Variants in RAPGEF3 observed in about 807,000 individuals in gnomAD.
The protein encoded by RAPGEF3 is 9330170P05Rik.
Under a neutral mutation model 129.8 loss-of-function variants are expected in RAPGEF3, and 103 were observed. The observed-to-expected ratio is 0.79, with a 90% confidence interval of 0.68 to 0.93. The LOEUF (loss-of-function observed/expected upper bound fraction) is 0.93. RAPGEF3 is among the 40% of genes least tolerant of loss of function. The probability of loss-of-function intolerance (pLI) is 0.00; values close to 1 mark genes in which losing one functional copy is unlikely to be tolerated. For synonymous variants in RAPGEF3, 436 were observed against 482.6 expected (o/e 0.90, Z 1.26); for missense variants, 1,117 against 1,207.4 (o/e 0.93, Z 1.11).
chr12:47,746,793 CA>C (rs763164663), intron 16 of RAPGEF3, 66 bp downstream of exon 16: 30 of 1,482,878 alleles, frequency 2.0e-5, no homozygotes, highest in Non-Finnish European at 2.7e-5. Context: ...CCCTCAGGGT[CA>C]GGGGGCGAAG....
intron 16 of RAPGEF3, chr12:47,745,733 TG>T (rs927855192): frequency 6.6e-6 from 1 of 152,120 alleles, no homozygotes; most frequent in Non-Finnish European, 1.5e-5. Context: ...CATCACGGGT[TG>T]TTGAACTGCT....
rs781655896 is a variant in RAPGEF3, at chr12:47,751,868, C to T, written c.274-39G>A. 4 of 1,613,992 alleles carry T rather than the reference C, an allele frequency of 2.5e-6. 1 individual carries two copies. In the South Asian group the frequency reaches 3.3e-5, roughly 13 times the overall value. On this transcript the variant is annotated intron_variant, in intron 3 of 27. Coordinates refer to ENST00000449771, the MANE Select transcript of RAPGEF3 (RefSeq NM_001098531.4). ...AGGGCACAGCAGTTCAGGCTCTGAA[C>T]CCCTCATGGTGCTGCCTGTCCCAGC...
intron 2 of RAPGEF3, chr12:47,752,556 A>G (rs1314135834): frequency 6.3e-6 from 1 of 157,498 alleles, no homozygotes; most frequent in Non-Finnish European, 1.4e-5. Flanking sequence ...CACTGATGGC[A>G]GATGTGACCT....
chr12:47,756,249 G>A (rs1319588112), intron 2 of RAPGEF3: 1 of 152,230 alleles, frequency 6.6e-6, no homozygotes. Flanking sequence ...GGTCCCAGGA[G>A]ATCCTCCAGT....
intron 2 of RAPGEF3, among the ~76,000 whole-genome samples, chr12:47,755,519 T>C (rs957342880): frequency 6.6e-6 from 1 of 152,202 alleles, no homozygotes; most frequent in Admixed American, 6.5e-5. Flanking sequence ...CAGGTCACTC[T>C]GATCTTGCCC....
rs774951105 is a variant in RAPGEF3, at chr12:47,751,217, C to T, written c.503-1G>A. ...TCCTGGAAGGCCCAGTCGTGTTTCA[C>T]TGGGGGGCAGAGGCCCAGGCGTGGG... On this transcript the variant is annotated splice_acceptor_variant, in intron 5 of 27. Transcript: ENST00000449771. LOFTEE classifies it high-confidence loss of function. 1.3e-6 allele frequency: 2 copies of T among 1,549,702 alleles called. No individual in the cohort carries two copies. Among genetic ancestry groups the T allele is most frequent in the Non-Finnish European group, 1.7e-6 (2 of 1,146,096 alleles).
chr12:47,737,616 A>G lies in RAPGEF3; in HGVS notation c.2723T>C (p.Ile908Thr), dbSNP rs374334310. The change falls in exon 28 of 28, where the codon ATT becomes ACT. Residue 908 changes from isoleucine to threonine, a missense_variant. Around this residue, in one of 3 missense-constraint regions of RAPGEF3, gnomAD observed 643 missense variants for 673.4 expected, o/e 0.95. Coordinates refer to ENST00000449771, the MANE Select transcript of RAPGEF3 (RefSeq NM_001098531.4). ...GCGGGAGAGTTCCCGCTGGTTGTCA[A>G]TGACCTTCAGCTGCTGGACATAAGC... ...TWAYVQQLKVIDNQRELSRLS... is the reference protein window; with the variant it reads ...TWAYVQQLKVTDNQRELSRLS... The G allele has an allele frequency of 2.3e-4, 366 of 1,609,958 alleles. 1 individual carries two copies. The Admixed American group carries it at 4.5e-3, about 20-fold the overall frequency.
chr12:47,738,015 C>CACTT lies in RAPGEF3; in HGVS notation c.2653+3_2653+6dup, dbSNP rs1385815477. ...TCCCTGCCCACCCACCATCGCCCACCACTTACATGTGGAAATCCTCGCCAC... is the reference window on the plus strand; with the variant it reads ...TCCCTGCCCACCCACCATCGCCCACCACTTACTTACATGTGGAAATCCTCGCCAC... On this transcript the variant is annotated splice_region_variant and intron_variant, in intron 27 of 27. Transcript: ENST00000449771. 6.2e-7 allele frequency: 1 copy of CACTT among 1,613,692 alleles called. No individual in the cohort carries two copies. The highest frequency in any genetic ancestry group is 2.2e-5 in the East Asian group (1 of 44,858).
chr12:47,752,039 C>T lies in RAPGEF3; in HGVS notation c.220-70G>A, dbSNP rs1941784494. Reference sequence around the variant, plus strand: ...AGCCCAGCTCTTGGATACCTCCCCTCCCCCATCACTCCCACTCTTGCCTAG... The same window carrying T: ...AGCCCAGCTCTTGGATACCTCCCCTTCCCCATCACTCCCACTCTTGCCTAG... On this transcript the variant is annotated intron_variant, in intron 2 of 27. Transcript: ENST00000449771. 46 of 1,513,398 alleles carry T rather than the reference C, an allele frequency of 3.0e-5. No individual in the cohort carries two copies. In the South Asian group the frequency reaches 4.6e-4, roughly 15 times the overall value. The allele number at this position is 1,513,398 out of a possible 1,614,324, so 93.7% of individuals were successfully genotyped here. A position where few individuals can be genotyped will look rare whatever the true frequency, so the allele number is the denominator to read the frequency against.
At chr12:47,750,986 A>C in intron 6 of RAPGEF3, 62 bp downstream of exon 6, 1,761 of 1,542,652 alleles carry the variant, frequency 1.1e-3, no homozygotes, top group Non-Finnish European at 1.4e-3. Context: ...CAATCTGAGA[A>C]ACCGTGAAAT....
chr12:47,748,590 C>G, intron 11 of RAPGEF3, 48 bp from the exon 12 acceptor site: 1 of 1,465,236 alleles, frequency 6.8e-7, no homozygotes, highest in Non-Finnish European at 9.5e-7. Context: ...ACTCCCCACT[C>G]CCACACCTGG....
At chr12:47,746,995 C>T in intron 15 of RAPGEF3, 96 bp from the exon 16 acceptor site, 1 of 1,247,026 alleles carries the variant, frequency 8.0e-7, no homozygotes. Flanking sequence ...CGGCCCTCAC[C>T]AGTGGTTCAG....
rs201865687 is a variant in RAPGEF3 at position 47,743,557 on chromosome 12, C to T, written c.1798G>A (p.Val600Met). The T allele has an allele frequency of 2.8e-5, 46 of 1,614,154 alleles. No homozygotes were observed. The African/African-American group carries it at 6.1e-4, about 21-fold the overall frequency. ...CCTGCAGAATTGACCTTCACCAGCA[C>T]CTGCCCCTTGGTCCAGCCATCCTCC... ...AQEDGWTKGQ[V>M]LVKVNSAGDA... The change falls in exon 18 of 28, where the codon GTG (valine) becomes ATG (methionine). Residue 600 changes from valine (V) to methionine (M), a missense_variant. Coordinates refer to ENST00000449771, the MANE Select transcript of RAPGEF3 (RefSeq NM_001098531.4).
In RAPGEF3 at chr12:47,737,155, G is replaced by A. The variant is rs954451276; in HGVS notation, c.*412C>T. ...CAAGGCCCTGCCCTTGCCACACACG[G>A]TACACACATGCAGCCTCTCTCTCTC... On this transcript the variant is annotated 3_prime_UTR_variant, in exon 28 of 28. Transcript: ENST00000449771. 1.8e-5 allele frequency: 4 copies of A among 227,660 alleles called. No individual in the cohort carries two copies. Among genetic ancestry groups the A allele is most frequent in the Admixed American group, 1.1e-4 (2 of 18,354 alleles). The allele number at this position is 227,660 out of a possible 1,614,324, so 14.1% of individuals were successfully genotyped here. A position where few individuals can be genotyped will look rare whatever the true frequency, so the allele number is the denominator to read the frequency against.
intron 23 of RAPGEF3, chr12:47,739,766 G>T (rs1941031406): frequency 2.5e-6 from 1 of 394,738 alleles, no homozygotes; most frequent in Non-Finnish European, 4.7e-6. Flanking sequence ...GGGCAGACAG[G>T]CCCTGGTGCA....
In RAPGEF3 at chr12:47,743,527, C is replaced by T. The variant is rs1371618392; in HGVS notation, c.1825+3G>A. The T allele has an allele frequency of 1.2e-6, 2 of 1,612,666 alleles. No homozygotes were observed. The highest frequency in any genetic ancestry group is 1.7e-6 in the Non-Finnish European group (2 of 1,178,980). On this transcript the variant is annotated splice_donor_region_variant and intron_variant, in intron 18 of 27. Coordinates refer to ENST00000449771, the MANE Select transcript of RAPGEF3 (RefSeq NM_001098531.4). The stretch of plus-strand genomic sequence containing the variant: ...TTGGGGTCTATCCAGGGGCACAACT[C>T]ACCACCTGCAGAATTGACCTTCACC...
At position 47,740,655 on chromosome 12, in the gene RAPGEF3, T is replaced by C; in HGVS notation, c.2218A>G (p.Lys740Glu). 1 of 1,613,596 alleles carries C rather than the reference T, an allele frequency of 6.2e-7. No homozygotes were observed. Reference protein sequence around the residue: ...PRAQLLRKFIKLAAHLKEQKN... With the variant: ...PRAQLLRKFIELAAHLKEQKN... ...ACAGGGACTCACTGGGCCGCCAGCT[T>C]AATGAACTTCCTGAGCAGCTGGGCC... Residue 740 changes from lysine to glutamate, a missense_variant, in exon 21 of 28, where the codon AAG becomes GAG. Lys to Glu is a moderately conservative substitution (Grantham distance 56). Coordinates refer to ENST00000449771, the MANE Select transcript of RAPGEF3 (RefSeq NM_001098531.4).
chr12:47,737,645 G>A lies in RAPGEF3; in HGVS notation c.2694C>T (p.Thr898=), dbSNP rs1270858113. ...CCTTCAGCTGCTGGACATAAGCCCA[G>A]GTGCTGGCTGGACTCCGGGTGCTCA... ...QSLSTRSPAS[T]WAYVQQLKVI... Residue 898 remains threonine, a synonymous_variant, in exon 28 of 28, where the codon ACC becomes ACT. Transcript: ENST00000449771. The A allele has an allele frequency of 3.7e-6, 6 of 1,612,924 alleles. No homozygotes were observed. Among genetic ancestry groups the A allele is most frequent in the Non-Finnish European group, 5.1e-6 (6 of 1,179,808 alleles).
At chr12:47,751,636 G>A in intron 4 of RAPGEF3, 87 bp downstream of exon 4, 1 of 1,596,794 alleles carries the variant, frequency 6.3e-7, no homozygotes, top group South Asian at 1.1e-5. Flanking sequence ...TGTGCTAGAA[G>A]CAGGGTGAGG....
Sources: allele counts gnomAD v4.1 joint callset (sites outside exome capture counted in the v4.1 genomes callset), GRCh38; gene constraint gnomAD v4.1.1; regional missense constraint gnomAD v4.1.1; transcripts MANE v1.5; gene names NCBI Gene and HGNC (gene_info 2026-07-23, HGNC 2026-07-21).